Variants in NR2E1 observed in about 807,000 individuals in gnomAD.
NR2E1 encodes nuclear receptor TLX.
NR2E1 carries 5 observed loss-of-function variants against 43.6 expected under a neutral mutation model. That is an observed-to-expected ratio of 0.11 (90% CI 0.06 to 0.24). NR2E1 has a LOEUF of 0.24. NR2E1 is among the 10% of genes least tolerant of loss of function. NR2E1 has a pLI of 1.00. For synonymous variants in NR2E1, 191 were observed against 195.5 expected, an observed-to-expected ratio of 0.98 and a Z score of 0.19; for missense variants, 287 against 496.7, an observed-to-expected ratio of 0.58 and a Z score of 4.01.
rs2114670320 is a variant in NR2E1, at chr6:108,169,507, T to C, written c.26-1951T>C. ...ACAGTGCCACAGGGAAGAGGACAGC[T>C]GGGGTGACAGTACTGCTGGGCCCCA... On this transcript the variant is annotated intron_variant, in intron 1 of 8. Coordinates refer to ENST00000368986, the MANE Select transcript of NR2E1 (RefSeq NM_003269.5). The surrounding 1 kb of genome is among the most constrained non-coding windows in gnomAD (Gnocchi z 6.1). Among the ~76,000 whole-genome samples the C allele has an allele frequency of 6.6e-6, 1 of 152,304 alleles. No individual in the cohort carries two copies. The highest frequency in any genetic ancestry group is 1.9e-4 in the East Asian group (1 of 5,166).
At chr6:108,168,038 T>C (rs1773740123) in intron 1 of NR2E1, 2 of 1,598,570 alleles carry the variant, frequency 1.3e-6, no homozygotes, top group Admixed American at 1.7e-5. Flanking sequence ...TGTTTCGAGC[T>C]GGGGCAGAGG....
chr6:108,168,352 C>A (rs1335835730), intron 1 of NR2E1, among the ~76,000 whole-genome samples: 2 of 152,238 alleles, frequency 1.3e-5, no homozygotes, highest in Non-Finnish European at 2.9e-5. Flanking sequence ...TAAGGAGCCC[C>A]GGGCTCTTTC....
chr6:108,179,492 CTG>C (rs34907033), intron 5 of NR2E1, among the ~76,000 whole-genome samples: 7,854 of 131,214 alleles, frequency 0.06, 230 homozygotes, highest in Middle Eastern at 0.1. Context: ...TAACCACTTC[CTG>C]TGTGTGTGTG....
chr6:108,170,624 AG>A, intron 1 of NR2E1, among the ~76,000 whole-genome samples: 1 of 151,836 alleles, frequency 6.6e-6, no homozygotes, highest in South Asian at 2.1e-4. Context: ...TCAGGCTCAA[AG>A]AGCACTGGAA....
intron 1 of NR2E1, chr6:108,168,983 G>A (rs546687221): frequency 5.9e-5 from 9 of 152,282 alleles, no homozygotes; most frequent in African/African-American, 1.9e-4. Context: ...AAAAAGCCCC[G>A]AGGGGACCCC....
At position 108,187,378 on chromosome 6, in the gene NR2E1, T is replaced by C. The variant is rs370078968; in HGVS notation, c.1073T>C (p.Ile358Thr). The C allele has an allele frequency of 1.2e-6, 2 of 1,614,094 alleles. No individual in the cohort carries two copies. The highest frequency in any genetic ancestry group is 2.7e-5 in the African/African-American group (2 of 74,940). Residue 358 changes from isoleucine (I) to threonine (T), a missense_variant, in exon 9 of 9, where the codon ATA becomes ACA. This residue lies in a region of NR2E1 where 119 missense variants were observed against 187.0 expected (regional missense o/e 0.64). Transcript: ENST00000368986. ...TTACGTTCTATTAGCCCATCAACTA[T>C]AGAAGAAGTGTTTTTCAAAAAAACC... ...PALRSISPST[I>T]EEVFFKKTIG...
Position 108,176,567 on chromosome 6 carries a change from T to A in NR2E1, c.324T>A (p.Arg108=), listed in dbSNP as rs1773901011. The A allele has an allele frequency of 1.2e-6, 2 of 1,613,154 alleles. No individual in the cohort carries two copies. Among genetic ancestry groups the A allele is most frequent in the Non-Finnish European group, 1.7e-6 (2 of 1,179,956 alleles). The part of the protein sequence containing the change: ...TIRKQVALYF[R]GHKEENGAAA... ...GCAAGCAAGTGGCCCTCTACTTCCG[T>A]GGACACAAGGAGGAGAACGGGGCCG... The change falls in exon 4 of 9, where the codon CGT becomes CGA. Residue 108 remains arginine, a synonymous_variant. Coordinates refer to ENST00000368986, the MANE Select transcript of NR2E1 (RefSeq NM_003269.5).
chr6:108,171,415 C>T (rs766121249), intron 1 of NR2E1, 43 bp from the exon 2 acceptor site: 5 of 1,610,954 alleles, frequency 3.1e-6, no homozygotes, highest in South Asian at 1.1e-5. Context: ...CCTCCTTTCC[C>T]TCTCGCCCCT....
At position 108,188,232 on chromosome 6, in the gene NR2E1, T is replaced by C. The variant is rs948467993; in HGVS notation, c.*769T>C. On this transcript the variant is annotated 3_prime_UTR_variant, in exon 9 of 9. Transcript: ENST00000368986. ...AGAACATAAGTCAAGGGAGGATGAA[T>C]AAAAACAGCAAAACCAAATAAAGTG... The C allele has an allele frequency of 3.3e-5, 5 of 152,088 alleles. No homozygotes were observed. Among genetic ancestry groups the C allele is most frequent in the Non-Finnish European group, 7.3e-5 (5 of 68,066 alleles). The allele number at this position is 152,088 out of a possible 1,614,324, so 9.4% of individuals were successfully genotyped here.
At chr6:108,182,782 C>T (rs1452158773) in intron 8 of NR2E1, among the ~76,000 whole-genome samples, 1 of 152,070 alleles carries the variant, frequency 6.6e-6, no homozygotes, top group Non-Finnish European at 1.5e-5. Context: ...AGGTCTCGAA[C>T]TCCTGAACTT....
At chr6:108,178,659 T>C (rs2114678126) in intron 5 of NR2E1, among the ~76,000 whole-genome samples, 1 of 152,344 alleles carries the variant, frequency 6.6e-6, no homozygotes, top group African/African-American at 2.4e-5. Context: ...TTTTCAGAAC[T>C]GATGTTATTA....
chr6:108,175,647 C>G (rs769315963), intron 3 of NR2E1, among the ~76,000 whole-genome samples: 5 of 152,196 alleles, frequency 3.3e-5, no homozygotes, highest in Non-Finnish European at 7.3e-5. Context: ...GTCGAGGGCG[C>G]CCCAGGCCCA....
intron 3 of NR2E1, among the ~76,000 whole-genome samples, chr6:108,175,717 T>G (rs943670793): frequency 6.6e-6 from 1 of 151,312 alleles, no homozygotes; most frequent in African/African-American, 2.4e-5. Flanking sequence ...AGGGTGCGAG[T>G]GGGTTTTGCT....
intron 1 of NR2E1, among the ~76,000 whole-genome samples, chr6:108,167,658 C>A (rs1001176578): frequency 3.3e-5 from 5 of 152,158 alleles, no homozygotes; most frequent in African/African-American, 7.2e-5. Context: ...TTTCAGTTCC[C>A]GCCATCCAGT....
intron 3 of NR2E1, chr6:108,176,182 C>A: frequency 2.5e-6 from 1 of 399,808 alleles, no homozygotes; most frequent in Non-Finnish European, 4.6e-6. Flanking sequence ...TCTGGTTTCC[C>A]TGCGAACCCC....
intron 8 of NR2E1, among the ~76,000 whole-genome samples, chr6:108,186,412 T>C (rs1308775916): frequency 1.3e-5 from 2 of 152,254 alleles, no homozygotes; most frequent in African/African-American, 4.8e-5. Context: ...CACAGCCACC[T>C]GACTCCTTCG....
chr6:108,179,491 CCT>C (rs2114678721), intron 5 of NR2E1, among the ~76,000 whole-genome samples: 1 of 74,958 alleles, frequency 1.3e-5, no homozygotes, highest in South Asian at 4.6e-4. Context: ...CTAACCACTT[CCT>C]GTGTGTGTGT....
intron 1 of NR2E1, 65 bp from the exon 2 acceptor site, chr6:108,171,393 C>T: frequency 6.4e-7 from 1 of 1,560,500 alleles, no homozygotes; most frequent in South Asian, 1.1e-5. Flanking sequence ...CCCTTTTCTC[C>T]CTCTTCTCCG....
rs918975043 is a variant in NR2E1, at chr6:108,180,201, GA to G, written c.643-116del. 2.8e-6 allele frequency: 2 copies of G among 720,930 alleles called. No individual in the cohort carries two copies. The highest frequency in any genetic ancestry group is 2.4e-6 in the Non-Finnish European group (1 of 419,848). 44.7% of individuals were successfully genotyped at this position (720,930 alleles called of 1,614,324 possible). A position where few individuals can be genotyped will look rare whatever the true frequency, so the allele number is the denominator to read the frequency against. ...AAATAAGGGAAAGCTAGAATATTCA[GA>G]AAAAATTACCAAGACAGGCATTTAA... On this transcript the variant is annotated intron_variant, in intron 5 of 8. Transcript: ENST00000368986. The surrounding 1 kb of genome is among the most constrained non-coding windows in gnomAD (Gnocchi z 5.4).
Sources: gnomAD v4.1 joint callset for allele counts (sites outside exome capture counted in the v4.1 genomes callset) on GRCh38, gnomAD v4.1.1 for gene constraint, gnomAD v4.1.1 regional missense constraint, Gnocchi (gnomAD v3.1) non-coding constraint, MANE v1.5 for transcripts, NCBI Gene and HGNC (gene_info 2026-07-23, HGNC 2026-07-21) for gene names.